Variants in NSD2 observed in about 807,000 individuals in gnomAD.
NSD2 encodes histone-lysine N-methyltransferase NSD2.
A neutral mutation model predicts 139.0 loss-of-function variants in NSD2; 12 were observed. The observed-to-expected ratio is 0.09, with a 90% confidence interval of 0.06 to 0.14. NSD2 has a LOEUF of 0.14. NSD2 is among the 10% of genes least tolerant of loss of function. The pLI is 1.00. For missense variants in NSD2, 1,155 were observed against 1,745.0 expected (o/e 0.66, Z 6.02); for synonymous variants, 669 against 648.7 (o/e 1.03, Z -0.48).
rs545302897 is a variant in NSD2 at position 1,964,632 on chromosome 4, G to A, written c.3372+3481G>A. Reference sequence around the variant, plus strand: ...AGGTGCAGACAAAGAGGTGCGCTGCGCTGCCGTTGTTATCACACCTCCCTC... The same window carrying A: ...AGGTGCAGACAAAGAGGTGCGCTGCACTGCCGTTGTTATCACACCTCCCTC... On this transcript the variant is annotated intron_variant, in intron 18 of 21. Transcript: ENST00000508803. 3.3e-5 allele frequency among the ~76,000 whole-genome samples: 5 copies of A among 152,092 alleles called. No homozygotes were observed. In the South Asian group the frequency reaches 8.3e-4, roughly 25 times the overall value.
At chr4:1,938,412 C>CTTTGTTTTTTTTTTTT in intron 7 of NSD2, 39 bp from the exon 8 acceptor site, 2 of 635,580 alleles carry the variant, frequency 3.1e-6, no homozygotes, top group Non-Finnish European at 4.0e-6. Flanking sequence ...TTTTTTTTTT[C>CTTTGTTTTTTTTTTTT]TTTCTTTTTT....
intron 1 of NSD2, among the ~76,000 whole-genome samples, chr4:1,883,008 A>G (rs1031361732): frequency 2.6e-5 from 4 of 151,858 alleles, no homozygotes; most frequent in Non-Finnish European, 5.9e-5. Context: ...CATTCTTGGG[A>G]TTGTGGGTGT....
In NSD2 at chr4:1,976,208, T is replaced by G. The variant is rs556028322; in HGVS notation, c.3622-267T>G. 1.4e-4 allele frequency: 65 copies of G among 468,998 alleles called. No homozygotes were observed. The highest frequency in any genetic ancestry group is 1.2e-3 in the African/African-American group (60 of 51,016). The allele number at this position is 468,998 out of a possible 1,614,324, so 29.1% of individuals were successfully genotyped here. On this transcript the variant is annotated intron_variant, in intron 20 of 21. Coordinates refer to ENST00000508803, the MANE Select transcript of NSD2 (RefSeq NM_001042424.3). This position sits in a 1 kb window ranked among gnomAD's most constrained non-coding sequence, Gnocchi z 5.3. Reference sequence around the variant, plus strand: ...CCCATCAGCAGATCCTGGAGCTGTGTGTCTGCTGAGATGCTGCTGAGATGC... The same window carrying G: ...CCCATCAGCAGATCCTGGAGCTGTGGGTCTGCTGAGATGCTGCTGAGATGC...
chr4:1,930,575 A>G (rs780440548), intron 5 of NSD2, 51 bp from the exon 6 acceptor site: 3 of 1,529,936 alleles, frequency 2.0e-6, no homozygotes, highest in Non-Finnish European at 2.6e-6. Flanking sequence ...AACAAAACCC[A>G]ATGAGTTTTA....
At chr4:1,941,542 T>C in intron 9 of NSD2, 1 of 1,041,690 alleles carries the variant, frequency 9.6e-7, no homozygotes, top group Non-Finnish European at 1.2e-6. Flanking sequence ...TTTATCATCA[T>C]TAGACTTAAA....
chr4:1,944,100 T>C, intron 9 of NSD2: 1 of 1,066,052 alleles, frequency 9.4e-7, no homozygotes, highest in Non-Finnish European at 1.1e-6. Flanking sequence ...TGGGGTGACA[T>C]CGTTCCCTGG....
intron 9 of NSD2, chr4:1,947,465 C>A: frequency 1.9e-6 from 2 of 1,058,600 alleles, no homozygotes; most frequent in Non-Finnish European, 2.3e-6. Flanking sequence ...AGCCCTGACC[C>A]TAGAATTTAG....
chr4:1,939,831 C>T (rs756505343), intron 9 of NSD2, 53 bp downstream of exon 9: 2 of 1,612,420 alleles, frequency 1.2e-6, no homozygotes, highest in African/African-American at 2.7e-5. Flanking sequence ...GGCCATTTAG[C>T]TGCCCACGCT....
chr4:1,959,513 A>G lies in NSD2; in HGVS notation c.3028A>G (p.Ile1010Val). The G allele has an allele frequency of 6.2e-7, 1 of 1,614,214 alleles. No individual in the cohort carries two copies. ...GAAAGTCCAGATCTACACAGCGGAT[A>G]TTTCAGAAATCCCTAAGTGCAACTG... ...YGKVQIYTAD[I>V]SEIPKCNCKP... The change falls in exon 17 of 22, where the codon ATT becomes GTT. Residue 1010 changes from isoleucine to valine, a missense_variant. Physicochemically the swap from Ile to Val is conservative, Grantham distance 29 (BLOSUM62 3). This residue lies in a region of NSD2 where 139 missense variants were observed against 485.8 expected (regional missense o/e 0.29). Coordinates refer to ENST00000508803, the MANE Select transcript of NSD2 (RefSeq NM_001042424.3).
At chr4:1,897,244 TG>T (rs1716475745) in intron 1 of NSD2, among the ~76,000 whole-genome samples, 1 of 150,878 alleles carries the variant, frequency 6.6e-6, no homozygotes, top group African/African-American at 2.4e-5. Flanking sequence ...TACTTTGGGA[TG>T]TTGAGATGGG....
chr4:1,930,602 T>C (rs762652543), intron 5 of NSD2, 24 bp from the exon 6 acceptor site: 2 of 1,582,472 alleles, frequency 1.3e-6, no homozygotes, highest in South Asian at 2.3e-5. Flanking sequence ...TAACTTCTCA[T>C]TGCACCTTCT....
intron 9 of NSD2, chr4:1,944,683 T>C (rs1283343125): frequency 1.1e-4 from 120 of 1,063,930 alleles, no homozygotes; most frequent in Non-Finnish European, 1.2e-4. Context: ...ATATTGGCAA[T>C]AGAGGTCCTG....
intron 17 of NSD2, among the ~76,000 whole-genome samples, chr4:1,960,330 A>G (rs868030451): frequency 4.6e-5 from 7 of 152,236 alleles, no homozygotes; most frequent in Admixed American, 2.6e-4. Context: ...CTGGGCTAGT[A>G]GCCAGGTGCT....
At chr4:1,890,158 C>A (rs937339848) in intron 1 of NSD2, among the ~76,000 whole-genome samples, 1 of 152,154 alleles carries the variant, frequency 6.6e-6, no homozygotes, top group African/African-American at 2.4e-5. Context: ...GACGTCATTT[C>A]TTTTTGTGGC....
intron 1 of NSD2, among the ~76,000 whole-genome samples, chr4:1,887,155 G>C (rs1715174873): frequency 6.6e-6 from 1 of 152,160 alleles, no homozygotes; most frequent in Non-Finnish European, 1.5e-5. Context: ...AACTGTGAGA[G>C]TTCAGTAGGG....
intron 1 of NSD2, among the ~76,000 whole-genome samples, chr4:1,898,723 C>T (rs76268244): frequency 0.029 from 4,131 of 140,754 alleles, 198 homozygotes; most frequent in African/African-American, 0.1. Context: ...CAGCTGGAAT[C>T]TCTTTTCAGT....
rs556137701 is a variant in NSD2, at chr4:1,927,629, G to A, written c.1411-2997G>A. Among the ~76,000 whole-genome samples, 4 of 143,510 alleles carry A rather than the reference G, an allele frequency of 2.8e-5. No homozygotes were observed. The South Asian group carries it at 7.0e-4, about 25-fold the overall frequency. The allele number at this position is 143,510 out of a possible 152,430, so 94.1% of individuals were successfully genotyped here. The stretch of plus-strand genomic sequence containing the variant: ...AGCTACTCAGGAGGCTAAGGTGGGA[G>A]AATCGCTTGAACCCAGGAGGCAGAG... On this transcript the variant is annotated intron_variant, in intron 5 of 21. Transcript: ENST00000508803.
chr4:1,965,608 G>A (rs1205948235), intron 18 of NSD2, among the ~76,000 whole-genome samples: 2 of 152,174 alleles, frequency 1.3e-5, no homozygotes, highest in African/African-American at 4.8e-5. Context: ...TTACATGCAA[G>A]GTGTATTAGT....
intron 3 of NSD2, among the ~76,000 whole-genome samples, chr4:1,907,231 G>A (rs890917699): frequency 1.3e-5 from 2 of 152,090 alleles, no homozygotes; most frequent in African/African-American, 4.8e-5. Context: ...ATTAGCAATT[G>A]TCATTATCCT....
Sources: allele counts gnomAD v4.1 joint callset (sites outside exome capture counted in the v4.1 genomes callset), GRCh38; gene constraint gnomAD v4.1.1; regional missense constraint gnomAD v4.1.1; non-coding constraint Gnocchi (gnomAD v3.1); transcripts MANE v1.5; gene names NCBI Gene and HGNC (gene_info 2026-07-23, HGNC 2026-07-21).